The following MAP7 variants were observed in gnomAD, a reference collection of about 807,000 sequenced individuals.
MAP7 encodes microtubule associated protein 7, also known as ensconsin.
MAP7 carries 52 observed loss-of-function variants against 94.8 expected under a neutral mutation model. That is an observed-to-expected ratio of 0.55 (90% CI 0.44 to 0.69). The LOEUF (loss-of-function observed/expected upper bound fraction) is 0.69. Among genes scored for constraint, MAP7 ranks in the 30% least tolerant of loss-of-function variants. The pLI, the probability that MAP7 is intolerant of heterozygous loss-of-function variation, is 0.00. For synonymous variants in MAP7, 350 were observed against 357.0 expected (o/e 0.98, Z 0.22); for missense variants, 940 against 964.6 (o/e 0.97, Z 0.34).
chr6:136,471,669 T>C (rs1023049620), intron 1 of MAP7, among the ~76,000 whole-genome samples: 3 of 152,182 alleles, frequency 2.0e-5, no homozygotes, highest in Non-Finnish European at 4.4e-5. Flanking sequence ...ACCCCGCATA[T>C]GACTGTTTCC....
At chr6:136,430,352 G>T (rs1431674010) in intron 1 of MAP7, among the ~76,000 whole-genome samples, 1 of 152,102 alleles carries the variant, frequency 6.6e-6, no homozygotes, top group Non-Finnish European at 1.5e-5. Flanking sequence ...AAATAGAAAA[G>T]CTTTCATACT....
At chr6:136,446,329 T>C (rs932139843) in intron 1 of MAP7, among the ~76,000 whole-genome samples, 1 of 150,436 alleles carries the variant, frequency 6.6e-6, no homozygotes, top group Non-Finnish European at 1.5e-5. Context: ...TCATCAGAGG[T>C]GGATAGGGTA....
intron 1 of MAP7, among the ~76,000 whole-genome samples, chr6:136,484,555 A>G (rs1814007496): frequency 6.6e-6 from 1 of 152,216 alleles, no homozygotes; most frequent in Non-Finnish European, 1.5e-5. Context: ...CTTGCACAAC[A>G]GAATTTAGGG....
chr6:136,385,526 A>T (rs1306549538), intron 5 of MAP7, among the ~76,000 whole-genome samples: 1 of 152,210 alleles, frequency 6.6e-6, no homozygotes, highest in Non-Finnish European at 1.5e-5. Flanking sequence ...ATCCTCAGGC[A>T]GATTCTCAAC....
At chr6:136,390,138 G>A (rs1214324604) in intron 3 of MAP7, among the ~76,000 whole-genome samples, 1 of 152,126 alleles carries the variant, frequency 6.6e-6, no homozygotes, top group Admixed American at 6.5e-5. Context: ...TTCAACAATA[G>A]GATGCATTTT....
At chr6:136,505,273 G>GTATA (rs1411923062) in intron 1 of MAP7, among the ~76,000 whole-genome samples, 1,065 of 69,342 alleles carry the variant, frequency 0.015, 10 homozygotes, top group East Asian at 0.035. Context: ...GTGTGTGTGT[G>GTATA]TGTGTATATA....
chr6:136,532,017 A>C (rs768989860), intron 1 of MAP7, among the ~76,000 whole-genome samples: 2 of 152,204 alleles, frequency 1.3e-5, no homozygotes, highest in Non-Finnish European at 2.9e-5. Context: ...TTCCCACTGA[A>C]TAGGCTATAT....
intron 1 of MAP7, among the ~76,000 whole-genome samples, chr6:136,441,085 A>T (rs1797725126): frequency 6.6e-6 from 1 of 152,154 alleles, no homozygotes. Context: ...TTCTTTATCC[A>T]TTCATCTGTT....
intron 3 of MAP7, among the ~76,000 whole-genome samples, chr6:136,408,158 AAGAG>A (rs1284697453): frequency 6.6e-6 from 1 of 152,152 alleles, no homozygotes; most frequent in Admixed American, 6.5e-5. Flanking sequence ...TGCAGAAGTC[AAGAG>A]AGAGAGTTTG....
At chr6:136,347,089 G>A (rs1277129387) in intron 16 of MAP7, among the ~76,000 whole-genome samples, 5 of 149,396 alleles carry the variant, frequency 3.3e-5, no homozygotes, top group Non-Finnish European at 5.9e-5. Flanking sequence ...TCTATGGTTT[G>A]TCTTAGATTA....
At chr6:136,360,591 T>C (rs1287195055) in intron 13 of MAP7, 106 bp downstream of exon 13, 7 of 888,466 alleles carry the variant, frequency 7.9e-6, no homozygotes, top group Non-Finnish European at 1.1e-5. Context: ...GGGCTACTAG[T>C]TTATGTGGCA....
chr6:136,364,191 G>A (rs902378644), intron 10 of MAP7: 23 of 520,282 alleles, frequency 4.4e-5, no homozygotes, highest in Non-Finnish European at 8.9e-5. Context: ...TCTGCATGAG[G>A]GTGAGGTGAC....
chr6:136,365,990 G>A lies in MAP7; in HGVS notation c.1018C>T (p.Pro340Ser), dbSNP rs761121091. Residue 340 changes from proline (P) to serine (S), a missense_variant, in exon 10 of 18, where the codon CCT becomes TCT. By Grantham distance (74) the Pro-to-Ser change is moderately conservative. Coordinates refer to ENST00000354570, the MANE Select transcript of MAP7 (RefSeq NM_003980.6). ...GAGGATGTCGGTCTGGGTGTGCCAG[G>A]CAAATGAGGAAGAGACTTGGACGGA... ...WLPSKSLPHL[P>S]GTPRPTSSLP... 2 of 1,611,960 alleles carry A rather than the reference G, an allele frequency of 1.2e-6. No homozygotes were observed. Among genetic ancestry groups the A allele is most frequent in the Middle Eastern group, 1.9e-4 (1 of 5,322 alleles).
chr6:136,385,270 TA>T (rs3839509), intron 5 of MAP7, among the ~76,000 whole-genome samples: 111,551 of 151,236 alleles, frequency 0.74, 42,213 homozygotes, highest in Middle Eastern at 0.85. Context: ...ATTTTATTAT[TA>T]AAAAAAAAAC....
At chr6:136,500,987 G>A (rs1819673155) in intron 1 of MAP7, among the ~76,000 whole-genome samples, 1 of 152,062 alleles carries the variant, frequency 6.6e-6, no homozygotes, top group South Asian at 2.1e-4. Flanking sequence ...GTCAACAGGA[G>A]TTTTCCAAGA....
In MAP7 at chr6:136,533,099, C is replaced by A. The variant is rs1315673149; in HGVS notation, c.67+17243G>T. ...ACCAGCCTGACCAACATGGAGAAAC[C>A]CCATCTCTACTAAAAATACAAAATT... On this transcript the variant is annotated intron_variant, in intron 1 of 17. Transcript: ENST00000354570. 2.6e-5 allele frequency among the ~76,000 whole-genome samples: 4 copies of A among 152,236 alleles called. No individual in the cohort carries two copies. In the East Asian group the frequency reaches 7.7e-4, roughly 29 times the overall value.
At chr6:136,525,944 A>G in intron 1 of MAP7, 1 of 1,528,662 alleles carries the variant, frequency 6.5e-7, no homozygotes, top group Non-Finnish European at 8.7e-7. Flanking sequence ...CATGTCGGAG[A>G]GCTGTAGCTG....
intron 1 of MAP7, among the ~76,000 whole-genome samples, chr6:136,538,062 G>A (rs572512810): frequency 1.3e-5 from 2 of 152,288 alleles, no homozygotes; most frequent in African/African-American, 2.4e-5. Flanking sequence ...GATTACAGGC[G>A]TGAGCCACCA....
chr6:136,502,946 G>C (rs1027074542), intron 1 of MAP7, among the ~76,000 whole-genome samples: 4 of 152,140 alleles, frequency 2.6e-5, no homozygotes, highest in African/African-American at 9.7e-5. Flanking sequence ...CAGTCTGCAA[G>C]TCTAAGCTTC....
Sources: gnomAD v4.1 joint callset for allele counts (sites outside exome capture counted in the v4.1 genomes callset) on GRCh38, gnomAD v4.1.1 for gene constraint, MANE v1.5 for transcripts, NCBI Gene and HGNC (gene_info 2026-07-23, HGNC 2026-07-21) for gene names.